Variants in SLCO2A1 observed in about 807,000 individuals in gnomAD.
The protein encoded by SLCO2A1 is matrin F/G 1.
Under a neutral mutation model 71.7 loss-of-function variants are expected in SLCO2A1, and 60 were observed. The ratio of observed to expected loss-of-function variants is 0.84; its 90% CI spans 0.68 to 1.04. The LOEUF (loss-of-function observed/expected upper bound fraction) is 1.04. Ranked by LOEUF, SLCO2A1 falls within the 50% of genes least tolerant of loss-of-function variation. SLCO2A1 has a pLI of 0.00. For synonymous variants in SLCO2A1, 308 were observed against 326.7 expected (o/e 0.94, Z 0.62); for missense variants, 745 against 813.4 (o/e 0.92, Z 1.02).
At chr3:133,959,812 T>C (rs1933989226) in intron 3 of SLCO2A1, among the ~76,000 whole-genome samples, 2 of 150,778 alleles carry the variant, frequency 1.3e-5, no homozygotes, top group African/African-American at 4.9e-5. Context: ...AGTGAGATCT[T>C]GTCTCAAAAA....
In SLCO2A1 at chr3:133,948,974, G is replaced by A; in HGVS notation, c.862-3C>T. 6.2e-7 allele frequency: 1 copy of A among 1,613,836 alleles called. No individual in the cohort carries two copies. Among genetic ancestry groups the A allele is most frequent in the South Asian group, 1.1e-5 (1 of 91,070 alleles). ...TCATCTGCTGTGGCAGGAGCCCTCT[G>A]AAGGCAATAAAAGGGGTGAGTGTTC... is the stretch of plus-strand genomic sequence containing the variant. On this transcript the variant is annotated splice_region_variant and splice_polypyrimidine_tract_variant and intron_variant, in intron 6 of 13. Coordinates refer to ENST00000310926, the MANE Select transcript of SLCO2A1 (RefSeq NM_005630.3).
At chr3:133,940,778 C>G (rs1026808550) in intron 11 of SLCO2A1, among the ~76,000 whole-genome samples, 1 of 152,166 alleles carries the variant, frequency 6.6e-6, no homozygotes, top group African/African-American at 2.4e-5. Flanking sequence ...TCCAAGCATC[C>G]CTGCACCTTC....
intron 4 of SLCO2A1, 65 bp downstream of exon 4, chr3:133,954,901 G>A: frequency 7.6e-7 from 1 of 1,314,206 alleles, no homozygotes; most frequent in East Asian, 2.3e-5. Flanking sequence ...GTGCCCCAGG[G>A]CCTCATCAAG....
rs771757170 is a variant in SLCO2A1, at chr3:133,966,733, C to T, written c.397+6930G>A. On this transcript the variant is annotated intron_variant, in intron 3 of 13. Coordinates refer to ENST00000310926, the MANE Select transcript of SLCO2A1 (RefSeq NM_005630.3). ...GTTTCCAACCTCCTGGTGGGTAGCA[C>T]GCTGCCCAGTTGGGCCCAGTGGTTC... Among the ~76,000 whole-genome samples, 86 of 152,202 alleles carry T rather than the reference C, an allele frequency of 5.7e-4. 1 individual carries two copies. Among genetic ancestry groups the T allele is most frequent in the African/African-American group, 1.7e-3 (69 of 41,454 alleles).
intron 9 of SLCO2A1, among the ~76,000 whole-genome samples, chr3:133,945,545 G>A (rs558806510): frequency 1.3e-4 from 20 of 152,302 alleles, no homozygotes; most frequent in African/African-American, 3.6e-4. Context: ...CACAGTAGGC[G>A]TCAAGACAAC....
chr3:133,995,146 C>T (rs1267955162), intron 1 of SLCO2A1, among the ~76,000 whole-genome samples: 1 of 109,988 alleles, frequency 9.1e-6, no homozygotes, highest in Non-Finnish European at 2.1e-5. Flanking sequence ...GAGCCCCTCT[C>T]AGTCACCACA....
At chr3:134,020,227 C>T (rs148985660) in intron 1 of SLCO2A1, among the ~76,000 whole-genome samples, 3 of 152,162 alleles carry the variant, frequency 2.0e-5, no homozygotes, top group East Asian at 1.9e-4. Flanking sequence ...GCTCACTTAG[C>T]GAGCTCGGCT....
chr3:133,990,722 C>A (rs565191628), intron 1 of SLCO2A1, among the ~76,000 whole-genome samples: 2 of 152,222 alleles, frequency 1.3e-5, no homozygotes, highest in African/African-American at 4.8e-5. Context: ...GTTCTCCTCA[C>A]CTGGGAGGTG....
At chr3:133,963,524 G>A (rs1035250276) in intron 3 of SLCO2A1, among the ~76,000 whole-genome samples, 4 of 152,240 alleles carry the variant, frequency 2.6e-5, no homozygotes, top group Non-Finnish European at 5.9e-5. Flanking sequence ...GTAAAGCAAA[G>A]AGAGAGACTT....
chr3:134,025,556 T>C (rs1935685971), intron 1 of SLCO2A1, among the ~76,000 whole-genome samples: 1 of 152,110 alleles, frequency 6.6e-6, no homozygotes, highest in Non-Finnish European at 1.5e-5. Flanking sequence ...TTCTCTTAAT[T>C]AGAAAAGAGG....
At chr3:133,959,345 A>G (rs913800161) in intron 3 of SLCO2A1, among the ~76,000 whole-genome samples, 3 of 151,948 alleles carry the variant, frequency 2.0e-5, no homozygotes, top group African/African-American at 7.3e-5. Flanking sequence ...TTGCTTTATC[A>G]AATCAAAACT....
intron 1 of SLCO2A1, among the ~76,000 whole-genome samples, chr3:133,998,449 C>T (rs892296988): frequency 6.6e-6 from 1 of 152,154 alleles, no homozygotes; most frequent in Admixed American, 6.5e-5. Context: ...GGGCTCCACT[C>T]CCCTGCCTGG....
chr3:133,992,871 C>G (rs544334099), intron 1 of SLCO2A1, among the ~76,000 whole-genome samples: 2 of 152,308 alleles, frequency 1.3e-5, no homozygotes, highest in South Asian at 4.1e-4. Flanking sequence ...TCAATCCGTT[C>G]GTGCAACCTT....
intron 2 of SLCO2A1, among the ~76,000 whole-genome samples, chr3:133,974,525 C>T (rs191286377): frequency 2.6e-5 from 4 of 152,340 alleles, no homozygotes; most frequent in South Asian, 2.1e-4. Flanking sequence ...CTATCCTGCC[C>T]TTTCCCCTGC....
intron 6 of SLCO2A1, among the ~76,000 whole-genome samples, chr3:133,950,438 T>C (rs1933713684): frequency 6.6e-6 from 1 of 152,178 alleles, no homozygotes; most frequent in East Asian, 1.9e-4. Context: ...TGTCTATCCT[T>C]ATCTTTGCCC....
intron 1 of SLCO2A1, among the ~76,000 whole-genome samples, chr3:134,000,552 G>T (rs1935086226): frequency 6.6e-6 from 1 of 152,150 alleles, no homozygotes; most frequent in South Asian, 2.1e-4. Flanking sequence ...GGAGCATTAG[G>T]AATAGATCAC....
At chr3:134,026,493 GA>G (rs1178199685) in intron 1 of SLCO2A1, among the ~76,000 whole-genome samples, 1 of 151,998 alleles carries the variant, frequency 6.6e-6, no homozygotes, top group Non-Finnish European at 1.5e-5. Flanking sequence ...TGCTTCCCGC[GA>G]AAAGAGAAGC....
At chr3:134,015,891 T>C (rs1935443370) in intron 1 of SLCO2A1, among the ~76,000 whole-genome samples, 1 of 152,098 alleles carries the variant, frequency 6.6e-6, no homozygotes, top group Non-Finnish European at 1.5e-5. Context: ...CAACTGATCT[T>C]TGACAAAGGT....
chr3:133,994,453 A>G (rs1420339180), intron 1 of SLCO2A1, among the ~76,000 whole-genome samples: 1 of 152,132 alleles, frequency 6.6e-6, no homozygotes, highest in East Asian at 1.9e-4. Flanking sequence ...GGCTTTACCT[A>G]CCTTCTGCAG....
Sources: gnomAD v4.1 joint callset for allele counts (sites outside exome capture counted in the v4.1 genomes callset) on GRCh38, gnomAD v4.1.1 for gene constraint, MANE v1.5 for transcripts, NCBI Gene and HGNC (gene_info 2026-07-23, HGNC 2026-07-21) for gene names.